The following BBS9 variants were observed in gnomAD, a reference collection of about 807,000 sequenced individuals.
The protein encoded by BBS9 is protein PTHB1.
BBS9 carries 89 observed loss-of-function variants against 117.7 expected under a neutral mutation model. That is an observed-to-expected ratio of 0.76 (90% CI 0.64 to 0.90). The LOEUF is 0.90. Ranked by LOEUF, BBS9 falls within the 40% of genes least tolerant of loss-of-function variation. BBS9 has a pLI of 0.00. For synonymous variants in BBS9, 379 were observed against 370.9 expected (o/e 1.02, Z -0.25); for missense variants, 982 against 1,042.2 (o/e 0.94, Z 0.80).
intron 5 of BBS9, among the ~76,000 whole-genome samples, chr7:33,208,312 C>A (rs1025025462): frequency 1.3e-5 from 2 of 152,152 alleles, no homozygotes; most frequent in Non-Finnish European, 2.9e-5. Context: ...TTGACCATTT[C>A]CCTATGATAA....
At chr7:33,517,485 G>A (rs946846667) in intron 20 of BBS9, among the ~76,000 whole-genome samples, 12 of 152,218 alleles carry the variant, frequency 7.9e-5, no homozygotes, top group African/African-American at 2.7e-4. Flanking sequence ...CCTTTATGCA[G>A]GGTAAGTGTG....
Position 33,157,485 on chromosome 7 carries a change from GC to G in BBS9, c.328+1785del, listed in dbSNP as rs1169285205. On this transcript the variant is annotated intron_variant, in intron 4 of 22. Coordinates refer to ENST00000242067, the MANE Select transcript of BBS9 (RefSeq NM_198428.3). ...TTCCCTTCTGTCTTTCATTTCTTCA[GC>G]CTCTTGTGATGTGGGCTGACAATTT... 3.3e-5 allele frequency among the ~76,000 whole-genome samples: 5 copies of G among 152,200 alleles called. No individual in the cohort carries two copies. The East Asian group carries it at 9.6e-4, about 29-fold the overall frequency.
intron 4 of BBS9, among the ~76,000 whole-genome samples, chr7:33,156,976 C>T (rs996940360): frequency 1.3e-5 from 2 of 151,892 alleles, no homozygotes; most frequent in Non-Finnish European, 1.5e-5. Context: ...TGTTTTTGAC[C>T]GTAAGCCTGT....
At chr7:33,429,132 T>C (rs13223130) in intron 19 of BBS9, among the ~76,000 whole-genome samples, 1 of 152,212 alleles carries the variant, frequency 6.6e-6, no homozygotes, top group Non-Finnish European at 1.5e-5. Context: ...GTATTAACTT[T>C]CTGTGGAAGC....
chr7:33,369,099 A>ATATT (rs1338549907), intron 17 of BBS9, among the ~76,000 whole-genome samples: 2 of 152,208 alleles, frequency 1.3e-5, no homozygotes, highest in Non-Finnish European at 2.9e-5. Context: ...GTATAGTTCA[A>ATATT]TATTGCTAAC....
intron 17 of BBS9, among the ~76,000 whole-genome samples, chr7:33,378,970 C>A (rs1379676198): frequency 2.0e-5 from 3 of 152,170 alleles, no homozygotes; most frequent in Non-Finnish European, 4.4e-5. Context: ...TTCACAGTAA[C>A]TTATGGCGGA....
chr7:33,330,048 C>G (rs1813698731), intron 9 of BBS9, among the ~76,000 whole-genome samples: 1 of 151,756 alleles, frequency 6.6e-6, no homozygotes, highest in South Asian at 2.1e-4. Context: ...GAGTCTCGCT[C>G]TGTCGCCTGG....
intron 19 of BBS9, among the ~76,000 whole-genome samples, chr7:33,494,325 A>G (rs1459317347): frequency 6.6e-6 from 1 of 152,220 alleles, no homozygotes; most frequent in East Asian, 1.9e-4. Context: ...GAGGAGGATG[A>G]GAAACCCTGC....
At chr7:33,349,648 C>G (rs1367270028) in intron 13 of BBS9, among the ~76,000 whole-genome samples, 3 of 152,126 alleles carry the variant, frequency 2.0e-5, no homozygotes, top group African/African-American at 7.2e-5. Context: ...CCAGGCTGGT[C>G]TTGAACTCCT....
chr7:33,545,689 C>A (rs1853201506), intron 21 of BBS9, among the ~76,000 whole-genome samples: 1 of 152,012 alleles, frequency 6.6e-6, no homozygotes, highest in African/African-American at 2.4e-5. Context: ...GCAATCTAGT[C>A]CTGCCTCCCG....
intron 1 of BBS9, among the ~76,000 whole-genome samples, chr7:33,140,167 G>A (rs1791214255): frequency 6.6e-6 from 1 of 152,082 alleles, no homozygotes; most frequent in African/African-American, 2.4e-5. Context: ...TGGGACTACA[G>A]GCACCCGCCA....
intron 9 of BBS9, among the ~76,000 whole-genome samples, chr7:33,280,378 C>T (rs574847754): frequency 1.3e-5 from 2 of 151,984 alleles, no homozygotes; most frequent in Admixed American, 6.6e-5. Context: ...ATGTTTATGT[C>T]CATGTGTGCT....
At chr7:33,362,970 T>G (rs746119857) in intron 16 of BBS9, among the ~76,000 whole-genome samples, 1 of 152,220 alleles carries the variant, frequency 6.6e-6, no homozygotes, top group South Asian at 2.1e-4. Context: ...TGTTTCTCTC[T>G]GTGAGGGTTG....
intron 19 of BBS9, among the ~76,000 whole-genome samples, chr7:33,437,123 C>G (rs1011193844): frequency 6.6e-6 from 1 of 152,202 alleles, no homozygotes; most frequent in Non-Finnish European, 1.5e-5. Context: ...ACAAGCTTGT[C>G]TCTGCTTTAG....
intron 19 of BBS9, among the ~76,000 whole-genome samples, chr7:33,468,109 GT>G (rs969871925): frequency 2.6e-5 from 4 of 152,116 alleles, no homozygotes; most frequent in Middle Eastern, 6.3e-3. Flanking sequence ...TTACTCTAGT[GT>G]TCTAGAAAAT....
chr7:33,301,194 T>C lies in BBS9; in HGVS notation c.1016+27238T>C, dbSNP rs539703022. Among the ~76,000 whole-genome samples, 3 of 152,194 alleles carry C rather than the reference T, an allele frequency of 2.0e-5. No individual in the cohort carries two copies. The East Asian group carries it at 5.8e-4, about 29-fold the overall frequency. ...TTTAATACAGGCATGGAATGCATGT[T>C]AAAATCAGGATAAATGGGATATCTA... On this transcript the variant is annotated intron_variant, in intron 9 of 22. Transcript: ENST00000242067.
intron 21 of BBS9, among the ~76,000 whole-genome samples, chr7:33,569,567 A>G (rs1460572209): frequency 6.6e-6 from 1 of 151,538 alleles, no homozygotes; most frequent in African/African-American, 2.4e-5. Context: ...CATCCTGGCT[A>G]TGGTGAAATC....
chr7:33,182,499 C>T (rs1248392397), intron 5 of BBS9, among the ~76,000 whole-genome samples: 2 of 152,152 alleles, frequency 1.3e-5, no homozygotes, highest in Non-Finnish European at 2.9e-5. Context: ...AGTTTATGAC[C>T]TTAAAGCATT....
In BBS9 at chr7:33,426,434, A is replaced by G. The variant is rs143748963; in HGVS notation, c.2115+38290A>G. 7.1e-3 allele frequency among the ~76,000 whole-genome samples: 1,075 copies of G among 152,304 alleles called. 4 individuals carry two copies. The highest frequency in any genetic ancestry group is 0.014 in the Middle Eastern group (4 of 294). On this transcript the variant is annotated intron_variant, in intron 19 of 22. Transcript: ENST00000242067. ...CACTTCCCCGTGGATTTGGGATTCT[A>G]GGAAATAAATGGGAAAATATTAGCT... is the stretch of plus-strand genomic sequence containing the variant.
Sources: gnomAD v4.1 joint callset for allele counts (sites outside exome capture counted in the v4.1 genomes callset) on GRCh38, gnomAD v4.1.1 for gene constraint, MANE v1.5 for transcripts, NCBI Gene and HGNC (gene_info 2026-07-23, HGNC 2026-07-21) for gene names.